Variants in ZNF469 observed in about 807,000 individuals in gnomAD.
ZNF469 encodes zinc finger protein 469.
ZNF469 carries 1 observed loss-of-function variant against 1.0 expected under a neutral mutation model. The observed-to-expected ratio is 1.00, with a 90% confidence interval of 0.35 to 4.73. The LOEUF is 4.73. Among genes scored for constraint, ZNF469 ranks in the 30% most tolerant of loss-of-function variants. The pLI is 0.16. For synonymous variants in ZNF469, 2,703 were observed against 2,363.4 expected (o/e 1.14, Z -4.17); for missense variants, 6,100 against 5,356.3 (o/e 1.14, Z -4.33).
the ZNF469 span, among the ~76,000 whole-genome samples, chr16:88,233,948 G>A: frequency 1.5e-4 from 23 of 152,378 alleles, no homozygotes; most frequent in Non-Finnish European, 2.8e-4. Context: ...TGGCCTGTTT[G>A]TCAGTGGGTT....
the ZNF469 span, among the ~76,000 whole-genome samples, chr16:88,150,671 G>A: frequency 1.3e-4 from 19 of 151,348 alleles, no homozygotes; most frequent in East Asian, 3.1e-3. Flanking sequence ...CCTGGGAAAA[G>A]TGCCATGAAC....
At chr16:88,368,755 G>A in the ZNF469 span, among the ~76,000 whole-genome samples, 5 of 152,054 alleles carry the variant, frequency 3.3e-5, no homozygotes, top group South Asian at 2.1e-4. Context: ...GGGAGAGTGT[G>A]GCCTCAGCAG....
the ZNF469 span, among the ~76,000 whole-genome samples, chr16:88,110,898 G>A: frequency 6.6e-5 from 10 of 152,342 alleles, no homozygotes; most frequent in South Asian, 1.4e-3. Flanking sequence ...GTGGGGCCTC[G>A]GGACAGGCAC....
At chr16:88,248,887 A>ATC in the ZNF469 span, among the ~76,000 whole-genome samples, 4 of 151,926 alleles carry the variant, frequency 2.6e-5, no homozygotes, top group East Asian at 1.9e-4. Flanking sequence ...GGCAGGGATG[A>ATC]TCTCTCTGTG....
At chr16:88,251,557 T>C in the ZNF469 span, among the ~76,000 whole-genome samples, 1 of 123,456 alleles carries the variant, frequency 8.1e-6, no homozygotes, top group African/African-American at 3.1e-5. Flanking sequence ...TTTTTTTTTT[T>C]TTTTTTTTTT....
chr16:88,143,542 C>T, the ZNF469 span, among the ~76,000 whole-genome samples: 2 of 152,158 alleles, frequency 1.3e-5, no homozygotes, highest in Non-Finnish European at 2.9e-5. Context: ...CTGCTCCCCC[C>T]ATGCGTGGCC....
At chr16:88,250,176 C>T in the ZNF469 span, among the ~76,000 whole-genome samples, 1 of 152,228 alleles carries the variant, frequency 6.6e-6, no homozygotes, top group Non-Finnish European at 1.5e-5. Flanking sequence ...AAGACCAACA[C>T]CCCAGAGATG....
Position 88,431,755 on chromosome 16 carries a change from C to G in ZNF469, c.4285C>G (p.Leu1429Val), listed in dbSNP as rs766610177. 2.6e-6 allele frequency: 4 copies of G among 1,549,902 alleles called. No individual in the cohort carries two copies. Among genetic ancestry groups the G allele is most frequent in the African/African-American group, 1.4e-5 (1 of 73,066 alleles). The part of the protein sequence containing the change: ...GEDAGSLEPQ[L>V]PRSPPGTAET... ...GGATGCCGGTTCCCTCGAGCCACAG[C>G]TGCCAAGGAGCCCACCTGGCACCGC... is the stretch of plus-strand genomic sequence containing the variant. The change falls in exon 3 of 3, where the codon CTG becomes GTG. Residue 1429 changes from leucine to valine, a missense_variant. Leu to Val is a conservative substitution (Grantham distance 32, BLOSUM62 1). Coordinates refer to ENST00000565624, the MANE Select transcript of ZNF469 (RefSeq NM_001367624.2).
In ZNF469 at chr16:88,430,521, C is replaced by A. The variant is rs1426208744; in HGVS notation, c.3051C>A (p.Ala1017=). 1.4e-6 allele frequency: 2 copies of A among 1,435,326 alleles called. No homozygotes were observed. Among genetic ancestry groups the A allele is most frequent in the East Asian group, 5.7e-5 (2 of 34,818 alleles). 88.9% of individuals were successfully genotyped at this position (1,435,326 alleles called of 1,614,324 possible). ...CGCCCCGGGTCCCGAGAGCCGCCGC[C>A]CTCCCCGAGGAGACCCGCAGCTCCC... The part of the protein sequence containing the change: ...DPAPRVPRAA[A]LPEETRSSRR... Residue 1017 remains alanine, a synonymous_variant, in exon 3 of 3, where the codon GCC becomes GCA. Coordinates refer to ENST00000565624, the MANE Select transcript of ZNF469 (RefSeq NM_001367624.2).
chr16:88,121,240 G>GA, the ZNF469 span, among the ~76,000 whole-genome samples: 331 of 82,536 alleles, frequency 4.0e-3, 6 homozygotes, highest in African/African-American at 0.013. Context: ...GGGAGGTTGG[G>GA]GGGTGGGGGC....
chr16:88,184,516 A>C, the ZNF469 span, among the ~76,000 whole-genome samples: 1 of 151,606 alleles, frequency 6.6e-6, no homozygotes, highest in African/African-American at 2.4e-5. Context: ...TCTTCTCACT[A>C]CTGAGAGGCA....
chr16:88,296,765 GCA>G, the ZNF469 span, among the ~76,000 whole-genome samples: 7 of 151,816 alleles, frequency 4.6e-5, no homozygotes, highest in East Asian at 2.0e-4. Context: ...GCACATACAT[GCA>G]CACACACATG....
At chr16:88,348,287 C>A in the ZNF469 span, among the ~76,000 whole-genome samples, 3 of 152,206 alleles carry the variant, frequency 2.0e-5, no homozygotes, top group Non-Finnish European at 4.4e-5. Context: ...TGCTGCTGTC[C>A]CTGCCTCTGG....
intron 1 of ZNF469, among the ~76,000 whole-genome samples, chr16:88,402,658 T>C (rs1461975133): frequency 2.0e-5 from 3 of 152,204 alleles, no homozygotes; most frequent in Non-Finnish European, 4.4e-5. Context: ...CACCGTCACC[T>C]GCTTTCTCAG....
the ZNF469 span, among the ~76,000 whole-genome samples, chr16:88,239,703 ATATATATATATATTTTTTTTTT>A: frequency 3.2e-4 from 2 of 6,322 alleles, no homozygotes; most frequent in East Asian, 5.0e-3. Flanking sequence ...ATATATATAT[ATATATATATATATTTTTTTTTT>A]TTTTTTTTTT....
At chr16:88,305,972 A>G in the ZNF469 span, among the ~76,000 whole-genome samples, 1 of 152,088 alleles carries the variant, frequency 6.6e-6, no homozygotes, top group Non-Finnish European at 1.5e-5. Context: ...ATGTCCTTAC[A>G]CACATGCACA....
the ZNF469 span, among the ~76,000 whole-genome samples, chr16:88,220,267 C>G: frequency 2.6e-5 from 4 of 152,166 alleles, no homozygotes; most frequent in African/African-American, 4.8e-5. Context: ...CTTGTGTGAA[C>G]GCATCCTTCA....
chr16:88,147,661 C>T, the ZNF469 span, among the ~76,000 whole-genome samples: 2 of 152,098 alleles, frequency 1.3e-5, no homozygotes, highest in African/African-American at 4.8e-5. Context: ...GCTGTGCCCC[C>T]TGCCAGCTAG....
chr16:88,113,188 G>C, the ZNF469 span, among the ~76,000 whole-genome samples: 1 of 152,196 alleles, frequency 6.6e-6, no homozygotes, highest in Non-Finnish European at 1.5e-5. Flanking sequence ...CAATGTCCTG[G>C]AGATTGTCCC....
Sources: gnomAD v4.1 joint callset for allele counts (sites outside exome capture counted in the v4.1 genomes callset) on GRCh38, gnomAD v4.1.1 for gene constraint, MANE v1.5 for transcripts, NCBI Gene and HGNC (gene_info 2026-07-23, HGNC 2026-07-21) for gene names.